Variants in AGMO observed in about 807,000 individuals in gnomAD.
The protein encoded by AGMO is alkylglycerol monooxygenase.
A neutral mutation model predicts 60.2 loss-of-function variants in AGMO; 75 were observed. That is an observed-to-expected ratio of 1.25 (90% CI 1.03 to 1.51). The LOEUF (loss-of-function observed/expected upper bound fraction) is 1.51. Ranked by LOEUF, AGMO falls within the 40% of genes most tolerant of loss-of-function variation. The probability of loss-of-function intolerance (pLI) is 0.00; values close to 1 mark genes in which losing one functional copy is unlikely to be tolerated. For synonymous variants in AGMO, 261 were observed against 177.1 expected (o/e 1.47, Z -3.76); for missense variants, 763 against 525.5 (o/e 1.45, Z -4.42).
intron 12 of AGMO, among the ~76,000 whole-genome samples, chr7:15,279,146 G>A (rs1476992667): frequency 1.3e-5 from 2 of 152,092 alleles, no homozygotes; most frequent in African/African-American, 4.8e-5. Flanking sequence ...GCAGACCCAG[G>A]TTTGGGGGAG....
intron 10 of AGMO, 24 bp from the exon 11 acceptor site, chr7:15,366,246 A>G (rs1249527433): frequency 1.3e-6 from 2 of 1,564,208 alleles, no homozygotes; most frequent in Admixed American, 1.7e-5. Flanking sequence ...ACGGAGATCA[A>G]TGGAGCCGTT....
At chr7:15,398,584 T>C (rs1784472375) in intron 5 of AGMO, among the ~76,000 whole-genome samples, 1 of 152,202 alleles carries the variant, frequency 6.6e-6, no homozygotes, top group African/African-American at 2.4e-5. Context: ...ACGGCTTAAT[T>C]ATCGCCTATT....
chr7:15,485,502 A>G (rs190276745), intron 3 of AGMO, among the ~76,000 whole-genome samples: 2 of 152,248 alleles, frequency 1.3e-5, no homozygotes, highest in Admixed American at 1.3e-4. Flanking sequence ...CAATTTTCTC[A>G]TGTTCAGATG....
chr7:15,501,114 T>TAA (rs1022035003), intron 3 of AGMO, among the ~76,000 whole-genome samples: 1 of 152,020 alleles, frequency 6.6e-6, no homozygotes, highest in Non-Finnish European at 1.5e-5. Flanking sequence ...GTTTGGTTGA[T>TAA]TTTTGAGTAT....
chr7:15,135,416 CTG>C, the AGMO span, among the ~76,000 whole-genome samples: 1 of 152,228 alleles, frequency 6.6e-6, no homozygotes, highest in Admixed American at 6.5e-5. Context: ...CTCTTCATGA[CTG>C]TAACATCTGC....
intron 12 of AGMO, among the ~76,000 whole-genome samples, chr7:15,317,435 A>T (rs1247628991): frequency 2.0e-5 from 3 of 152,172 alleles, no homozygotes; most frequent in African/African-American, 7.2e-5. Context: ...ATGATAGAGT[A>T]ATCCAGCTTG....
intron 12 of AGMO, among the ~76,000 whole-genome samples, chr7:15,236,747 AAAAC>A (rs1055192295): frequency 5.3e-4 from 81 of 152,156 alleles, no homozygotes; most frequent in African/African-American, 1.7e-3. Context: ...TGCCTAATTT[AAAAC>A]AAACAAACAA....
At chr7:15,282,418 G>T (rs1783994175) in intron 12 of AGMO, among the ~76,000 whole-genome samples, 1 of 152,006 alleles carries the variant, frequency 6.6e-6, no homozygotes, top group Admixed American at 6.6e-5. Context: ...ATACATTTAG[G>T]GAGTTACAAA....
rs112060271 is a variant in AGMO, at chr7:15,407,299, T to C, written c.609+11259A>G. ...ATTATATTTATATAAACACTAGAAA[T>C]GCATACATGAATAAGCAATGGGGTG... On this transcript the variant is annotated intron_variant, in intron 5 of 12. Transcript: ENST00000342526. Among the ~76,000 whole-genome samples the C allele has an allele frequency of 4.6e-3, 676 of 147,298 alleles. 6 individuals are homozygous for C. The highest frequency in any genetic ancestry group is 0.016 in the African/African-American group (639 of 40,668).
chr7:15,359,432 C>A (rs1383732943), intron 12 of AGMO, among the ~76,000 whole-genome samples: 1 of 151,790 alleles, frequency 6.6e-6, no homozygotes, highest in Non-Finnish European at 1.5e-5. Context: ...GAAAACATTT[C>A]ATTTAAAAGA....
At chr7:15,450,419 C>CA (rs1280167748) in intron 3 of AGMO, among the ~76,000 whole-genome samples, 1,497 of 84,804 alleles carry the variant, frequency 0.018, 24 homozygotes, top group African/African-American at 0.054. Context: ...GTCTCCATCT[C>CA]AAAAAAAAAA....
intron 12 of AGMO, among the ~76,000 whole-genome samples, chr7:15,216,709 G>A (rs1781747547): frequency 6.6e-6 from 1 of 152,020 alleles, no homozygotes; most frequent in Admixed American, 6.6e-5. Flanking sequence ...AAAATATAAA[G>A]TATGAAACTA....
intron 5 of AGMO, 139 bp downstream of exon 5, chr7:15,418,419 T>G (rs1055607430): frequency 1.7e-6 from 1 of 603,792 alleles, no homozygotes; most frequent in Admixed American, 3.6e-5. Flanking sequence ...TAAAAACGAA[T>G]AAAAATGAAC....
intron 12 of AGMO, among the ~76,000 whole-genome samples, chr7:15,234,490 A>G (rs1782358018): frequency 6.6e-6 from 1 of 152,180 alleles, no homozygotes; most frequent in Non-Finnish European, 1.5e-5. Context: ...AGTTTACAAA[A>G]CAACTCTTAA....
chr7:15,335,280 A>C (rs1781621733), intron 12 of AGMO, among the ~76,000 whole-genome samples: 1 of 152,118 alleles, frequency 6.6e-6, no homozygotes, highest in Non-Finnish European at 1.5e-5. Flanking sequence ...AGTTTTCTGT[A>C]AATTTATGAA....
At chr7:15,545,651 T>G (rs1784759693) in intron 2 of AGMO, among the ~76,000 whole-genome samples, 1 of 152,112 alleles carries the variant, frequency 6.6e-6, no homozygotes, top group Non-Finnish European at 1.5e-5. Context: ...AACAATTGTT[T>G]CTAAAACTCA....
chr7:15,330,367 T>C (rs1452602933), intron 12 of AGMO, among the ~76,000 whole-genome samples: 3 of 152,200 alleles, frequency 2.0e-5, no homozygotes, highest in African/African-American at 4.8e-5. Context: ...GGCTTGTTCT[T>C]ATACAAATTA....
intron 10 of AGMO, among the ~76,000 whole-genome samples, chr7:15,371,700 C>T (rs568635017): frequency 1.2e-3 from 156 of 132,102 alleles, no homozygotes; most frequent in African/African-American, 4.2e-3. Context: ...ACCCAGCCAA[C>T]GGCTGATTTT....
intron 3 of AGMO, among the ~76,000 whole-genome samples, chr7:15,508,412 G>A (rs1434022950): frequency 6.6e-6 from 1 of 152,026 alleles, no homozygotes; most frequent in Non-Finnish European, 1.5e-5. Context: ...GGCTATAGTG[G>A]GTTGTTTGTT....
Sources: gnomAD v4.1 joint callset for allele counts (sites outside exome capture counted in the v4.1 genomes callset) on GRCh38, gnomAD v4.1.1 for gene constraint, MANE v1.5 for transcripts, NCBI Gene and HGNC (gene_info 2026-07-23, HGNC 2026-07-21) for gene names.